The following EEF2K variants were observed in gnomAD, a reference collection of about 807,000 sequenced individuals.
The protein encoded by EEF2K is alternative protein EEF2K.
Under a neutral mutation model 93.8 loss-of-function variants are expected in EEF2K, and 70 were observed. That is an observed-to-expected ratio of 0.75 (90% CI 0.62 to 0.91). The LOEUF is 0.91. Among genes scored for constraint, EEF2K ranks in the 40% least tolerant of loss-of-function variants. The pLI, the probability that EEF2K is intolerant of heterozygous loss-of-function variation, is 0.00. For synonymous variants in EEF2K, 376 were observed against 380.8 expected (o/e 0.99, Z 0.15); for missense variants, 935 against 972.9 (o/e 0.96, Z 0.52).
At chr16:22,224,033 C>G (rs564051884) in intron 1 of EEF2K, among the ~76,000 whole-genome samples, 3 of 151,832 alleles carry the variant, frequency 2.0e-5, no homozygotes, top group Admixed American at 2.0e-4. Flanking sequence ...ATGGTGAAAC[C>G]CCGTCTCTAC....
intron 2 of EEF2K, among the ~76,000 whole-genome samples, chr16:22,232,167 A>G (rs1228217251): frequency 6.6e-6 from 1 of 151,926 alleles, no homozygotes; most frequent in African/African-American, 2.4e-5. Flanking sequence ...AATTTCTTTC[A>G]ACTGATGTCC....
rs2047097793 is a variant in EEF2K at position 22,229,749 on chromosome 16, A to C, written c.246+3774A>C. On this transcript the variant is annotated intron_variant, in intron 2 of 17. Coordinates refer to ENST00000263026, the MANE Select transcript of EEF2K (RefSeq NM_013302.5). ...GAACATTATTGGACTTTTTATAATA[A>C]CTGGTGGGGGTAAAAAATCAAAAGT... Among the ~76,000 whole-genome samples the C allele has an allele frequency of 2.0e-5, 3 of 152,074 alleles. No homozygotes were observed. In the South Asian group the frequency reaches 6.2e-4, roughly 32 times the overall value.
At chr16:22,280,177 C>T (rs755550599) in intron 16 of EEF2K, 21 bp from the exon 17 acceptor site, 4 of 1,448,878 alleles carry the variant, frequency 2.8e-6, no homozygotes, top group African/African-American at 2.9e-5. Context: ...CTCCACCTTT[C>T]CCTCTGTATC....
chr16:22,282,710 T>C (rs143436022), intron 17 of EEF2K, among the ~76,000 whole-genome samples: 2 of 152,362 alleles, frequency 1.3e-5, no homozygotes, highest in African/African-American at 4.8e-5. Flanking sequence ...TGCTATGCTC[T>C]TGGACTTGCC....
chr16:22,250,973 G>T (rs1183344646), intron 5 of EEF2K, among the ~76,000 whole-genome samples, 178 bp from the exon 6 acceptor site: 4 of 152,142 alleles, frequency 2.6e-5, no homozygotes, highest in African/African-American at 9.7e-5. Flanking sequence ...TAATCCCCCT[G>T]TCCCAGCTCT....
chr16:22,277,716 TA>T (rs1027579685), intron 16 of EEF2K, among the ~76,000 whole-genome samples: 1 of 152,200 alleles, frequency 6.6e-6, no homozygotes, highest in African/African-American at 2.4e-5. Flanking sequence ...AAAGAGGTGA[TA>T]TGTGAGCTGA....
intron 12 of EEF2K, 84 bp from the exon 13 acceptor site, chr16:22,264,734 G>A: frequency 6.6e-7 from 1 of 1,514,804 alleles, no homozygotes; most frequent in East Asian, 2.3e-5. Flanking sequence ...TGGTTCCAGG[G>A]AGGAGGGCTG....
rs1567263524 is a variant in EEF2K at position 22,225,728 on chromosome 16, A to G, written c.-2A>G. 1 of 1,614,032 alleles carries G rather than the reference A, an allele frequency of 6.2e-7. No individual in the cohort carries two copies. The highest frequency in any genetic ancestry group is 1.1e-5 in the South Asian group (1 of 91,034). On this transcript the variant is annotated 5_prime_UTR_variant, in exon 2 of 18. Coordinates refer to ENST00000263026, the MANE Select transcript of EEF2K (RefSeq NM_013302.5). ...CTTGGGTAAAACGGGCACCCCAGGAACATGGCAGACGAAGATCTCATCTTC... is the reference window on the plus strand; with the variant it reads ...CTTGGGTAAAACGGGCACCCCAGGAGCATGGCAGACGAAGATCTCATCTTC...
chr16:22,263,114 C>G lies in EEF2K; in HGVS notation c.1304C>G (p.Ser435Cys), dbSNP rs760288427. Residue 435 changes from serine to cysteine, a missense_variant, in exon 12 of 18, where the codon TCT (serine) becomes TGT (cysteine). By Grantham distance (112) the Ser-to-Cys change is moderately radical (BLOSUM62 -1). Coordinates refer to ENST00000263026, the MANE Select transcript of EEF2K (RefSeq NM_013302.5). The stretch of plus-strand genomic sequence containing the variant: ...AAGGCCGTCTTCTCTCCACAGGAGT[C>G]TGAGAATAGTGGGGACAGCGGATAC... ...DHDHLDNHRESENSGDSGYPS... is the reference protein window; with the variant it reads ...DHDHLDNHRECENSGDSGYPS... 1 of 1,611,718 alleles carries G rather than the reference C, an allele frequency of 6.2e-7. No homozygotes were observed.
chr16:22,211,121 C>T (rs974077611), intron 1 of EEF2K, among the ~76,000 whole-genome samples: 20 of 152,216 alleles, frequency 1.3e-4, no homozygotes, highest in African/African-American at 4.6e-4. Flanking sequence ...GGAAAGCCAG[C>T]TCTCTGTGCC....
At chr16:22,213,550 C>T (rs1426247499) in intron 1 of EEF2K, among the ~76,000 whole-genome samples, 1 of 152,176 alleles carries the variant, frequency 6.6e-6, no homozygotes. Flanking sequence ...CGTTAGTTTC[C>T]AATTGCTGCT....
intron 4 of EEF2K, among the ~76,000 whole-genome samples, chr16:22,249,562 A>G (rs2141668777): frequency 6.6e-6 from 1 of 152,018 alleles, no homozygotes; most frequent in South Asian, 2.1e-4. Flanking sequence ...ATCACCCTAG[A>G]TTACTTTTGC....
chr16:22,254,258 G>A (rs933545478), intron 6 of EEF2K, among the ~76,000 whole-genome samples: 7 of 152,198 alleles, frequency 4.6e-5, no homozygotes, highest in Admixed American at 1.3e-4. Flanking sequence ...TGGCCCAGCA[G>A]GTGGCCCTGC....
intron 11 of EEF2K, 109 bp downstream of exon 11, chr16:22,260,638 C>A: frequency 7.3e-7 from 1 of 1,371,344 alleles, no homozygotes; most frequent in East Asian, 2.3e-5. Flanking sequence ...CTAGCCCAGG[C>A]ACTGCCAGGA....
chr16:22,228,098 C>G (rs1274430792), intron 2 of EEF2K, among the ~76,000 whole-genome samples: 1 of 148,402 alleles, frequency 6.7e-6, no homozygotes, highest in Admixed American at 6.8e-5. Flanking sequence ...ACTGCAACCT[C>G]CACCTCCCAG....
intron 2 of EEF2K, among the ~76,000 whole-genome samples, chr16:22,229,453 G>A (rs1404808671): frequency 2.0e-5 from 3 of 152,134 alleles, no homozygotes; most frequent in South Asian, 2.1e-4. Context: ...GGTGGCTCAC[G>A]CCTGTAATCC....
At chr16:22,239,565 C>T (rs9796807) in intron 2 of EEF2K, among the ~76,000 whole-genome samples, 8,450 of 151,726 alleles carry the variant, frequency 0.056, 335 homozygotes, top group East Asian at 0.17. Context: ...AATCCCAGTG[C>T]TTTGGAAGGA....
At chr16:22,215,979 G>A (rs987937462) in intron 1 of EEF2K, among the ~76,000 whole-genome samples, 1 of 152,252 alleles carries the variant, frequency 6.6e-6, no homozygotes, top group East Asian at 1.9e-4. Context: ...GAGCACCTGT[G>A]CACTGAAGGC....
chr16:22,211,364 T>C lies in EEF2K; in HGVS notation c.-77+4685T>C, dbSNP rs1051541681. Among the ~76,000 whole-genome samples, 5 of 152,188 alleles carry C rather than the reference T, an allele frequency of 3.3e-5. No individual in the cohort carries two copies. In the East Asian group the frequency reaches 7.7e-4, roughly 23 times the overall value. ...ATCAGGTCCTCCATGAGCCAGTCTT[T>C]CCCACTACGACCTCAGCCATGTCAT... On this transcript the variant is annotated intron_variant, in intron 1 of 17. Transcript: ENST00000263026.
Sources: allele counts gnomAD v4.1 joint callset (sites outside exome capture counted in the v4.1 genomes callset), GRCh38; gene constraint gnomAD v4.1.1; transcripts MANE v1.5; gene names NCBI Gene and HGNC (gene_info 2026-07-23, HGNC 2026-07-21).